GRID2: variants seen among roughly 807,000 people sequenced by gnomAD.
GRID2 encodes glutamate ionotropic receptor delta type subunit 2.
A neutral mutation model predicts 114.8 loss-of-function variants in GRID2; 33 were observed. The observed-to-expected ratio is 0.29, with a 90% confidence interval of 0.22 to 0.38. The LOEUF (loss-of-function observed/expected upper bound fraction) is 0.38. GRID2 is among the 10% of genes least tolerant of loss of function. The probability of loss-of-function intolerance (pLI) is 1.00; values close to 1 mark genes in which losing one functional copy is unlikely to be tolerated. For synonymous variants in GRID2, 505 were observed against 449.9 expected (o/e 1.12, Z -1.55); for missense variants, 1,184 against 1,257.7 (o/e 0.94, Z 0.89).
intron 2 of GRID2, among the ~76,000 whole-genome samples, chr4:92,948,162 C>A (rs1751779641): frequency 6.6e-6 from 1 of 151,756 alleles, no homozygotes; most frequent in Non-Finnish European, 1.5e-5. Context: ...TTAAAGTATG[C>A]TTGTTACATA....
At chr4:92,495,980 C>G (rs199589934) in intron 1 of GRID2, among the ~76,000 whole-genome samples, 1 of 151,758 alleles carries the variant, frequency 6.6e-6, no homozygotes, top group East Asian at 1.9e-4. Context: ...GTTATAGAGG[C>G]TTTAAAGTAA....
At chr4:92,633,049 A>T (rs1560500756) in intron 2 of GRID2, among the ~76,000 whole-genome samples, 1 of 152,160 alleles carries the variant, frequency 6.6e-6, no homozygotes, top group Non-Finnish European at 1.5e-5. Flanking sequence ...AAGCCAATTA[A>T]ATCTTTGTCA....
At chr4:92,489,026 A>G (rs1403178704) in intron 1 of GRID2, among the ~76,000 whole-genome samples, 1 of 152,212 alleles carries the variant, frequency 6.6e-6, no homozygotes, top group Non-Finnish European at 1.5e-5. Context: ...TGTGATGATT[A>G]TATTAGACAA....
intron 4 of GRID2, among the ~76,000 whole-genome samples, chr4:93,182,360 T>C (rs1008239930): frequency 6.6e-5 from 10 of 152,190 alleles, no homozygotes; most frequent in South Asian, 2.1e-4. Flanking sequence ...TTTAGAACTC[T>C]AAATGTGTGA....
At chr4:92,463,093 C>G (rs114425160) in intron 1 of GRID2, among the ~76,000 whole-genome samples, 3,241 of 152,000 alleles carry the variant, frequency 0.021, 51 homozygotes, top group Non-Finnish European at 0.031. Flanking sequence ...TCATTACATG[C>G]TTTTTGATGG....
At chr4:93,578,587 A>ATTTTTTTTTTTTTTTTTTTT (rs59397408) in intron 13 of GRID2, among the ~76,000 whole-genome samples, 7 of 83,930 alleles carry the variant, frequency 8.3e-5, no homozygotes, top group African/African-American at 3.6e-4. Flanking sequence ...TGTTTTTTGT[A>ATTTTTTTTTTTTTTTTTTTT]TTTTTTTTTT....
chr4:93,180,866 A>G (rs186008634), intron 4 of GRID2, among the ~76,000 whole-genome samples: 296 of 152,246 alleles, frequency 1.9e-3, no homozygotes, highest in Non-Finnish European at 3.9e-3. Context: ...CACATCTGCC[A>G]TTACTTCCTC....
intron 2 of GRID2, among the ~76,000 whole-genome samples, chr4:92,837,530 A>C (rs1020582458): frequency 6.6e-6 from 1 of 152,046 alleles, no homozygotes; most frequent in Admixed American, 6.6e-5. Context: ...GTAACCTTGA[A>C]AAAATATTCA....
At chr4:93,582,783 AT>A (rs1277751470) in intron 13 of GRID2, among the ~76,000 whole-genome samples, 3 of 152,262 alleles carry the variant, frequency 2.0e-5, no homozygotes, top group Middle Eastern at 3.4e-3. Context: ...GAAATAAATA[AT>A]TCCTTAGGTT....
At chr4:92,498,313 A>C (rs1315879543) in intron 1 of GRID2, among the ~76,000 whole-genome samples, 1 of 151,904 alleles carries the variant, frequency 6.6e-6, no homozygotes, top group Non-Finnish European at 1.5e-5. Context: ...AATTTCAGGA[A>C]CTTATTTAGA....
intron 1 of GRID2, among the ~76,000 whole-genome samples, chr4:92,447,395 T>C (rs996402686): frequency 6.6e-6 from 1 of 152,158 alleles, no homozygotes; most frequent in African/African-American, 2.4e-5. Context: ...ATTGTGTGCA[T>C]CTATGTAAGT....
At chr4:93,567,011 A>T (rs1468791331) in intron 13 of GRID2, among the ~76,000 whole-genome samples, 2 of 152,162 alleles carry the variant, frequency 1.3e-5, no homozygotes, top group African/African-American at 4.8e-5. Flanking sequence ...CAGCAGCAGC[A>T]GCTCTGGGAG....
intron 11 of GRID2, among the ~76,000 whole-genome samples, chr4:93,464,517 C>G (rs1456099319): frequency 1.3e-5 from 2 of 152,068 alleles, no homozygotes; most frequent in African/African-American, 4.8e-5. Context: ...GTCATAAAGT[C>G]CTTGTGACAT....
intron 1 of GRID2, among the ~76,000 whole-genome samples, chr4:92,313,469 G>T (rs1725813463): frequency 6.6e-6 from 1 of 151,536 alleles, no homozygotes; most frequent in African/African-American, 2.4e-5. Flanking sequence ...ATAACTTAGG[G>T]AAAAGTAAAA....
chr4:92,719,728 G>T (rs569651166), intron 2 of GRID2, among the ~76,000 whole-genome samples: 3 of 151,960 alleles, frequency 2.0e-5, no homozygotes, highest in Non-Finnish European at 4.4e-5. Context: ...AGAACTACAG[G>T]GGGGAGAATA....
At chr4:93,005,740 A>C (rs1721449417) in intron 2 of GRID2, among the ~76,000 whole-genome samples, 1 of 152,108 alleles carries the variant, frequency 6.6e-6, no homozygotes, top group Non-Finnish European at 1.5e-5. Context: ...ATACACTGAT[A>C]CCTGCTACAA....
intron 2 of GRID2, among the ~76,000 whole-genome samples, chr4:92,633,873 T>C (rs945145148): frequency 2.0e-5 from 3 of 151,944 alleles, no homozygotes; most frequent in African/African-American, 7.3e-5. Context: ...TTTTTTTTTT[T>C]CTGATGCTGG....
chr4:93,594,695 C>A (rs188403752), intron 13 of GRID2, among the ~76,000 whole-genome samples: 2 of 152,198 alleles, frequency 1.3e-5, no homozygotes, highest in African/African-American at 4.8e-5. Context: ...GCTGTGCTAG[C>A]AATCAATGAG....
At chr4:93,547,648 CA>C (rs1733351317) in intron 13 of GRID2, among the ~76,000 whole-genome samples, 1 of 152,178 alleles carries the variant, frequency 6.6e-6, no homozygotes, top group Non-Finnish European at 1.5e-5. Context: ...GTACTTCTGT[CA>C]CCCAATTATG....
Sources: allele counts gnomAD v4.1 joint callset (sites outside exome capture counted in the v4.1 genomes callset), GRCh38; gene constraint gnomAD v4.1.1; transcripts MANE v1.5; gene names NCBI Gene and HGNC (gene_info 2026-07-23, HGNC 2026-07-21).